Variants in CTNNA3 observed in about 807,000 individuals in gnomAD.
The protein encoded by CTNNA3 is catenin alpha 3.
CTNNA3 carries 76 observed loss-of-function variants against 95.7 expected under a neutral mutation model. The observed-to-expected ratio is 0.79, with a 90% CI of 0.66 to 0.96. The LOEUF is 0.96. Ranked by LOEUF, CTNNA3 falls within the 40% of genes least tolerant of loss-of-function variation. The pLI is 0.00. For missense variants in CTNNA3, 1,191 were observed against 1,089.8 expected (o/e 1.09, Z -1.31); for synonymous variants, 431 against 374.4 (o/e 1.15, Z -1.74).
intron 9 of CTNNA3, among the ~76,000 whole-genome samples, chr10:66,648,486 T>C (rs1392910511): frequency 1.3e-5 from 2 of 152,158 alleles, no homozygotes; most frequent in Non-Finnish European, 2.9e-5. Flanking sequence ...ATTGTAGCCA[T>C]GATCTCTAAA....
intron 2 of CTNNA3, among the ~76,000 whole-genome samples, chr10:67,633,104 CT>C (rs1357701457): frequency 3.9e-5 from 6 of 152,122 alleles, no homozygotes; most frequent in Admixed American, 6.5e-5. Flanking sequence ...GCACAGCTGC[CT>C]TGCCAGATTA....
At chr10:66,024,285 T>C (rs1025812373) in intron 15 of CTNNA3, among the ~76,000 whole-genome samples, 4 of 151,876 alleles carry the variant, frequency 2.6e-5, no homozygotes, top group Non-Finnish European at 5.9e-5. Flanking sequence ...GAGACGGGGT[T>C]TCACCGTGTT....
At chr10:67,040,031 T>C (rs184288002) in intron 7 of CTNNA3, among the ~76,000 whole-genome samples, 1 of 152,208 alleles carries the variant, frequency 6.6e-6, no homozygotes, top group African/African-American at 2.4e-5. Context: ...TGAGGAGGGT[T>C]AGTGACACTC....
chr10:66,655,504 G>A (rs564324665), intron 9 of CTNNA3, among the ~76,000 whole-genome samples: 5 of 152,154 alleles, frequency 3.3e-5, no homozygotes, highest in South Asian at 2.1e-4. Context: ...AAGACAGGTG[G>A]AAAGATTCAC....
At chr10:66,877,716 T>A (rs1844679920) in intron 7 of CTNNA3, among the ~76,000 whole-genome samples, 1 of 152,238 alleles carries the variant, frequency 6.6e-6, no homozygotes, top group South Asian at 2.1e-4. Context: ...GAATCACCCC[T>A]TTTTATTCCA....
At chr10:66,960,788 C>A (rs1302181919) in intron 7 of CTNNA3, among the ~76,000 whole-genome samples, 1 of 152,034 alleles carries the variant, frequency 6.6e-6, no homozygotes, top group Non-Finnish European at 1.5e-5. Flanking sequence ...AGTTTTAATT[C>A]CACTTTGTGA....
chr10:67,191,457 C>A (rs1863115586), intron 6 of CTNNA3, among the ~76,000 whole-genome samples: 1 of 151,618 alleles, frequency 6.6e-6, no homozygotes, highest in Non-Finnish European at 1.5e-5. Flanking sequence ...TGTATGCTAA[C>A]AACAAACTAT....
intron 7 of CTNNA3, among the ~76,000 whole-genome samples, chr10:67,120,810 C>G (rs1040213344): frequency 6.6e-6 from 1 of 151,948 alleles, no homozygotes; most frequent in African/African-American, 2.4e-5. Flanking sequence ...TAAGTCTTTC[C>G]TAAACACAGA....
intron 12 of CTNNA3, among the ~76,000 whole-genome samples, chr10:66,321,163 A>G (rs1829980855): frequency 6.6e-6 from 1 of 152,046 alleles, no homozygotes; most frequent in Non-Finnish European, 1.5e-5. Context: ...CTGATCAATG[A>G]TTTTTAATTA....
At chr10:66,194,769 A>C (rs1005724731) in intron 13 of CTNNA3, among the ~76,000 whole-genome samples, 3 of 152,078 alleles carry the variant, frequency 2.0e-5, no homozygotes, top group Admixed American at 1.3e-4. Context: ...TCCTCACAGC[A>C]CCTCATTATT....
intron 7 of CTNNA3, chr10:67,054,836 T>C (rs1855327521): frequency 6.6e-6 from 1 of 152,160 alleles, no homozygotes; most frequent in Non-Finnish European, 1.5e-5. Context: ...TTTAAGTAGT[T>C]GTGAGGTAGG....
In CTNNA3 at chr10:67,398,621, G is replaced by A. The variant is rs1844803966; in HGVS notation, c.579+123221C>T. ...TTAAAATGTGATGACACAAGATTTG[G>A]GAGGAGCCAGGGGTGGAATGATATG... On this transcript the variant is annotated intron_variant, in intron 5 of 17. Coordinates refer to ENST00000433211, the MANE Select transcript of CTNNA3 (RefSeq NM_013266.4). Among the ~76,000 whole-genome samples the A allele has an allele frequency of 2.0e-5, 3 of 152,116 alleles. No individual in the cohort carries two copies. In the South Asian group the frequency reaches 6.2e-4, roughly 32 times the overall value.
chr10:66,041,971 T>C (rs1465805088), intron 15 of CTNNA3, among the ~76,000 whole-genome samples: 1 of 152,234 alleles, frequency 6.6e-6, no homozygotes, highest in Non-Finnish European at 1.5e-5. Flanking sequence ...TAACATCCTC[T>C]ACAGTGTGAC....
intron 9 of CTNNA3, among the ~76,000 whole-genome samples, chr10:66,712,937 A>C (rs1848342186): frequency 6.6e-6 from 1 of 152,128 alleles, no homozygotes; most frequent in Non-Finnish European, 1.5e-5. Context: ...GTCTTTACTT[A>C]ACATCTGGGA....
At chr10:66,453,925 T>C (rs1354700282) in intron 11 of CTNNA3, among the ~76,000 whole-genome samples, 1 of 152,192 alleles carries the variant, frequency 6.6e-6, no homozygotes, top group East Asian at 1.9e-4. Context: ...TTACCTTACA[T>C]GGCAAAAATG....
intron 5 of CTNNA3, among the ~76,000 whole-genome samples, chr10:67,235,140 C>A (rs960814093): frequency 6.6e-6 from 1 of 152,206 alleles, no homozygotes; most frequent in East Asian, 1.9e-4. Flanking sequence ...TAATGACTTT[C>A]TTCACAGAAT....
At chr10:67,013,691 G>A (rs1449081399) in intron 7 of CTNNA3, among the ~76,000 whole-genome samples, 1 of 152,122 alleles carries the variant, frequency 6.6e-6, no homozygotes, top group Non-Finnish European at 1.5e-5. Flanking sequence ...TTTGAAGGAA[G>A]GTAATAGGCA....
intron 5 of CTNNA3, among the ~76,000 whole-genome samples, chr10:67,440,387 T>C (rs1262558818): frequency 6.6e-6 from 1 of 152,094 alleles, no homozygotes; most frequent in Non-Finnish European, 1.5e-5. Context: ...AGACAGCATC[T>C]CTGAACCTAC....
At chr10:67,413,650 A>T (rs1390810390) in intron 5 of CTNNA3, among the ~76,000 whole-genome samples, 2 of 152,194 alleles carry the variant, frequency 1.3e-5, no homozygotes, top group African/African-American at 2.4e-5. Context: ...TGCACACAGA[A>T]CATATTCAAA....
Sources: gnomAD v4.1 joint callset for allele counts (sites outside exome capture counted in the v4.1 genomes callset) on GRCh38, gnomAD v4.1.1 for gene constraint, MANE v1.5 for transcripts, NCBI Gene and HGNC (gene_info 2026-07-23, HGNC 2026-07-21) for gene names.